Variants in INTS7 observed in about 807,000 individuals in gnomAD.
INTS7 encodes the protein chromosome 1 open reading frame 73.
A neutral mutation model predicts 109.2 loss-of-function variants in INTS7; 46 were observed. The ratio of observed to expected loss-of-function variants is 0.42; its 90% CI spans 0.33 to 0.54. The LOEUF (loss-of-function observed/expected upper bound fraction) is 0.54. Among genes scored for constraint, INTS7 ranks in the 20% least tolerant of loss-of-function variants. INTS7 has a pLI of 0.07. For missense variants in INTS7, 929 were observed against 1,132.4 expected, an observed-to-expected ratio of 0.82 and a Z score of 2.58; for synonymous variants, 412 against 402.9, an observed-to-expected ratio of 1.02 and a Z score of -0.27.
intron 17 of INTS7, among the ~76,000 whole-genome samples, chr1:211,950,250 A>AG (rs1405630607): frequency 2.0e-5 from 3 of 152,204 alleles, no homozygotes; most frequent in Non-Finnish European, 4.4e-5. Context: ...TTGGAAATAC[A>AG]GAAAAAGGGA....
intron 18 of INTS7, among the ~76,000 whole-genome samples, chr1:211,945,974 T>G (rs982783732): frequency 6.6e-6 from 1 of 152,224 alleles, no homozygotes; most frequent in Non-Finnish European, 1.5e-5. Context: ...TGGGTCTGAA[T>G]AGACTCAGCT....
chr1:211,982,771 T>C lies in INTS7; in HGVS notation c.1037A>G (p.Lys346Arg), dbSNP rs1214096199. The change falls in exon 9 of 20, where the codon AAA (lysine) becomes AGA (arginine). Residue 346 changes from lysine to arginine, a missense_variant. This residue lies in a region of INTS7 where 787 missense variants were observed against 901.1 expected (regional missense o/e 0.87). Coordinates refer to ENST00000366994, the MANE Select transcript of INTS7 (RefSeq NM_015434.4). ...SSSPRSSDLV[K>R]LAQECCYHNN... is the part of the protein sequence containing the mutation. ...ATGGTAACAGCACTCTTGGGCTAAT[T>C]TGACTAAATCAGAAGATCTGGGAGA... is the stretch of plus-strand genomic sequence containing the variant. 1.9e-6 allele frequency: 3 copies of C among 1,611,418 alleles called. No homozygotes were observed. The highest frequency in any genetic ancestry group is 2.5e-6 in the Non-Finnish European group (3 of 1,178,338).
intron 13 of INTS7, among the ~76,000 whole-genome samples, chr1:211,972,566 T>G (rs1004894610): frequency 6.6e-6 from 1 of 152,230 alleles, no homozygotes; most frequent in African/African-American, 2.4e-5. Context: ...TAAGGAATAC[T>G]AAACCTACAA....
intron 10 of INTS7, 131 bp from the exon 11 acceptor site, chr1:211,978,642 A>C: frequency 1.1e-6 from 1 of 918,126 alleles, no homozygotes; most frequent in Non-Finnish European, 1.6e-6. Flanking sequence ...ATTTTACTTC[A>C]TAAGAAATAT....
intron 1 of INTS7, 113 bp downstream of exon 1, chr1:212,035,231 C>A (rs527621296): frequency 1.3e-6 from 1 of 744,610 alleles, no homozygotes; most frequent in Non-Finnish European, 2.4e-6. Flanking sequence ...GCGCTCCCCG[C>A]CCAGCGAAGA....
At chr1:212,005,713 T>G (rs1417234109) in intron 7 of INTS7, among the ~76,000 whole-genome samples, 1 of 152,188 alleles carries the variant, frequency 6.6e-6, no homozygotes, top group African/African-American at 2.4e-5. Flanking sequence ...GCAATAAGAC[T>G]AGGGATCAGA....
chr1:212,009,057 A>T (rs947499350), intron 5 of INTS7, among the ~76,000 whole-genome samples: 1 of 152,128 alleles, frequency 6.6e-6, no homozygotes, highest in Non-Finnish European at 1.5e-5. Flanking sequence ...GTTTACAGGC[A>T]TCTTTACTAA....
At chr1:212,019,010 G>A (rs754778733) in intron 3 of INTS7, among the ~76,000 whole-genome samples, 1 of 152,200 alleles carries the variant, frequency 6.6e-6, no homozygotes, top group African/African-American at 2.4e-5. Context: ...AACAATATGG[G>A]AGGCCGAAGC....
chr1:211,961,576 C>T (rs529400810), intron 16 of INTS7, among the ~76,000 whole-genome samples: 4 of 152,046 alleles, frequency 2.6e-5, no homozygotes, highest in African/African-American at 9.6e-5. Flanking sequence ...ATTACAGGCA[C>T]GTGCCACCAT....
chr1:211,958,003 A>G (rs1251730890), intron 16 of INTS7, among the ~76,000 whole-genome samples: 1 of 151,520 alleles, frequency 6.6e-6, no homozygotes, highest in African/African-American at 2.4e-5. Flanking sequence ...CATATATTTT[A>G]CTTCTATATG....
In INTS7 at chr1:211,964,417, T is replaced by C. The variant is rs527325864; in HGVS notation, c.2183+2013A>G. On this transcript the variant is annotated intron_variant, in intron 16 of 19. Transcript: ENST00000366994. The stretch of plus-strand genomic sequence containing the variant: ...TGCCCAAAGCAACGTATAGATTCAA[T>C]GCTATTCCTATCAAACTGCCAACGA... 7.9e-5 allele frequency among the ~76,000 whole-genome samples: 12 copies of C among 152,326 alleles called. No individual in the cohort carries two copies. In the South Asian group the frequency reaches 2.5e-3, roughly 32 times the overall value.
chr1:211,978,416 T>C lies in INTS7; in HGVS notation c.1326A>G (p.Gln442=). ...ETLLTQLHSA[Q]DAARILMCHC... is the part of the protein sequence containing the mutation. The stretch of plus-strand genomic sequence containing the variant: ...GGCACATCAAAATCCGGGCAGCGTC[T>C]TGAGCACTGTGCAATTGAGTCAACA... The change falls in exon 11 of 20, where the codon CAA becomes CAG. Residue 442 remains glutamine, a synonymous_variant. Transcript: ENST00000366994. 1 of 1,614,218 alleles carries C rather than the reference T, an allele frequency of 6.2e-7. No homozygotes were observed. The highest frequency in any genetic ancestry group is 8.5e-7 in the Non-Finnish European group (1 of 1,180,048).
intron 17 of INTS7, among the ~76,000 whole-genome samples, chr1:211,949,358 C>T (rs1322758039): frequency 2.0e-5 from 3 of 152,166 alleles, no homozygotes; most frequent in African/African-American, 7.2e-5. Context: ...AAGACAGCAA[C>T]ATGTTTGAAA....
chr1:212,021,015 A>G (rs1171969624), intron 2 of INTS7, 68 bp downstream of exon 2: 1 of 1,434,076 alleles, frequency 7.0e-7, no homozygotes, highest in Non-Finnish European at 9.5e-7. Flanking sequence ...AAAAAGAAAA[A>G]GACCACAATA....
chr1:212,030,419 G>T (rs749655768), intron 1 of INTS7, among the ~76,000 whole-genome samples: 5 of 151,964 alleles, frequency 3.3e-5, no homozygotes, highest in Non-Finnish European at 5.9e-5. Context: ...CTCCTGAGCA[G>T]CTGGGATTAC....
intron 1 of INTS7, chr1:212,025,501 C>G (rs191599539): frequency 6.6e-6 from 1 of 151,694 alleles, no homozygotes; most frequent in East Asian, 1.9e-4. Flanking sequence ...AAAACCCAAC[C>G]AAGAAAAAAG....
intron 15 of INTS7, among the ~76,000 whole-genome samples, chr1:211,967,184 T>C (rs1663925939): frequency 6.6e-6 from 1 of 152,108 alleles, no homozygotes; most frequent in Non-Finnish European, 1.5e-5. Flanking sequence ...ACGACCAGGC[T>C]GGGCACGGTG....
At chr1:211,966,011 C>A (rs766888646) in intron 16 of INTS7, 7 of 154,552 alleles carry the variant, frequency 4.5e-5, no homozygotes, top group Non-Finnish European at 1.0e-4. Context: ...AGGAATCATT[C>A]TTTAATGAAA....
At chr1:212,008,676 C>T (rs1198926506) in intron 5 of INTS7, among the ~76,000 whole-genome samples, 1 of 152,146 alleles carries the variant, frequency 6.6e-6, no homozygotes, top group Admixed American at 6.6e-5. Flanking sequence ...ATTAATAAGG[C>T]TCAAAGAGAA....
Sources: gnomAD v4.1 joint callset for allele counts (sites outside exome capture counted in the v4.1 genomes callset) on GRCh38, gnomAD v4.1.1 for gene constraint, gnomAD v4.1.1 regional missense constraint, MANE v1.5 for transcripts, NCBI Gene and HGNC (gene_info 2026-07-23, HGNC 2026-07-21) for gene names.